GRAMD1B: variants seen among roughly 807,000 people sequenced by gnomAD.
GRAMD1B encodes protein Aster-B.
Under a neutral mutation model 99.7 loss-of-function variants are expected in GRAMD1B, and 37 were observed. That is an observed-to-expected ratio of 0.37 (90% CI 0.29 to 0.49). GRAMD1B has a LOEUF of 0.49. Ranked by LOEUF, GRAMD1B falls within the 20% of genes least tolerant of loss-of-function variation. The pLI is 0.98. For synonymous variants in GRAMD1B, 427 were observed against 387.6 expected (o/e 1.10, Z -1.19); for missense variants, 888 against 1,009.2 (o/e 0.88, Z 1.63).
At chr11:123,396,116 C>T (rs560574413) in intron 1 of GRAMD1B, among the ~76,000 whole-genome samples, 41 of 152,070 alleles carry the variant, frequency 2.7e-4, no homozygotes, top group Non-Finnish European at 5.1e-4. Flanking sequence ...CCTTGGCTTC[C>T]CTGACCCACC....
Position 123,466,309 on chromosome 11 carries a change from A to C in GRAMD1B, c.375-14507A>C, listed in dbSNP as rs1451649873. On this transcript the variant is annotated intron_variant, in intron 1 of 19. Coordinates refer to ENST00000635736, the MANE Select transcript of GRAMD1B (RefSeq NM_001387025.1). ...GGAAGGAAAAGAAAGAAAGAGAGAG[A>C]GAGAAAGAGAAAGAAAGAAAGAAAG... Among the ~76,000 whole-genome samples, 2 of 139,908 alleles carry C rather than the reference A, an allele frequency of 1.4e-5. 1 individual carries two copies. Among genetic ancestry groups the C allele is most frequent in the African/African-American group, 5.4e-5 (2 of 36,904 alleles). The allele number at this position is 139,908 out of a possible 152,430, so 91.8% of individuals were successfully genotyped here.
At chr11:123,399,200 CTGGCTTATTTCACTTAACA>C (rs1947570798) in intron 1 of GRAMD1B, among the ~76,000 whole-genome samples, 1 of 152,140 alleles carries the variant, frequency 6.6e-6, no homozygotes, top group Admixed American at 6.5e-5. Flanking sequence ...CTTTCTGTGC[CTGGCTTATTTCACTTAACA>C]TAATGTCCTG....
At chr11:123,586,899 G>A (rs917221312) in intron 4 of GRAMD1B, among the ~76,000 whole-genome samples, 15 of 152,194 alleles carry the variant, frequency 9.9e-5, no homozygotes, top group Admixed American at 6.5e-5. Flanking sequence ...AGGCTCATTC[G>A]TTACACTAGA....
intron 1 of GRAMD1B, among the ~76,000 whole-genome samples, chr11:123,449,713 G>GTTTTTTTTTTT (rs1245614513): frequency 2.3e-4 from 18 of 79,550 alleles, no homozygotes; most frequent in African/African-American, 8.0e-4. Flanking sequence ...ACCATGCCTG[G>GTTTTTTTTTTT]CTTTTTTTTT....
Position 123,591,078 on chromosome 11 carries a change from C to A in GRAMD1B, c.685-3004C>A. 4.9e-6 allele frequency: 1 copy of A among 205,688 alleles called. No individual in the cohort carries two copies. Among genetic ancestry groups the A allele is most frequent in the East Asian group, 1.0e-4 (1 of 9,576 alleles). 12.7% of individuals were successfully genotyped at this position (205,688 alleles called of 1,614,324 possible). A position where few individuals can be genotyped will look rare whatever the true frequency, so the allele number is the denominator to read the frequency against. ...CACTGACCAGGTGGAGGTGCGTGAC[C>A]ACACCACCTCTGGGCTACTCTCTGC... is the stretch of plus-strand genomic sequence containing the variant. On this transcript the variant is annotated intron_variant, in intron 4 of 19. Transcript: ENST00000635736. This position sits in a 1 kb window ranked among gnomAD's most constrained non-coding sequence, Gnocchi z 4.7.
chr11:123,373,140 A>G (rs1209107428), intron 1 of GRAMD1B, among the ~76,000 whole-genome samples: 1 of 152,198 alleles, frequency 6.6e-6, no homozygotes, highest in Admixed American at 6.5e-5. Flanking sequence ...CTCTGTCTCA[A>G]AAAAATATAT....
At chr11:123,584,239 G>T in intron 3 of GRAMD1B, 73 bp from the exon 4 acceptor site, 1 of 797,776 alleles carries the variant, frequency 1.3e-6, no homozygotes, top group Admixed American at 2.2e-5. Flanking sequence ...CTGTCTGTGT[G>T]CCCTTCCCCC....
At chr11:123,573,093 C>T (rs371802870) in intron 2 of GRAMD1B, among the ~76,000 whole-genome samples, 4 of 150,028 alleles carry the variant, frequency 2.7e-5, no homozygotes, top group Admixed American at 1.3e-4. Context: ...AGGTAGGCCC[C>T]GATGGCTGGG....
chr11:123,458,143 T>C (rs1261376690), intron 1 of GRAMD1B, among the ~76,000 whole-genome samples: 1 of 152,068 alleles, frequency 6.6e-6, no homozygotes, highest in Non-Finnish European at 1.5e-5. Context: ...ATTAGGGGAA[T>C]TGGCTTACAT....
chr11:123,477,860 G>A (rs1046896604), intron 1 of GRAMD1B, among the ~76,000 whole-genome samples: 4 of 147,184 alleles, frequency 2.7e-5, no homozygotes, highest in Admixed American at 1.4e-4. Context: ...TGCAACCTCC[G>A]CCTCCCTGGT....
At chr11:123,605,811 C>T (rs970613455) in intron 10 of GRAMD1B, among the ~76,000 whole-genome samples, 3 of 152,164 alleles carry the variant, frequency 2.0e-5, no homozygotes, top group Non-Finnish European at 4.4e-5. Context: ...CTTGATCTGA[C>T]GTCAAAGTCA....
At chr11:123,616,151 G>A (rs184537724) in intron 17 of GRAMD1B, among the ~76,000 whole-genome samples, 160 of 152,174 alleles carry the variant, frequency 1.1e-3, no homozygotes, top group African/African-American at 3.4e-3. Flanking sequence ...GTGAAACCCC[G>A]TCTCTACTAA....
chr11:123,622,430 G>A (rs1406587264), intron 19 of GRAMD1B, 76 bp from the exon 20 acceptor site: 1 of 883,866 alleles, frequency 1.1e-6, no homozygotes, highest in African/African-American at 1.7e-5. Flanking sequence ...AGGCGGGTGT[G>A]GGGAGAGGGC....
chr11:123,586,738 A>G (rs996584198), intron 4 of GRAMD1B, among the ~76,000 whole-genome samples: 15 of 152,132 alleles, frequency 9.9e-5, no homozygotes, highest in Admixed American at 7.9e-4. Context: ...GTGTTCCTTC[A>G]GGGAGCTCCA....
chr11:123,495,353 G>GT (rs1356490484), intron 2 of GRAMD1B, among the ~76,000 whole-genome samples: 2 of 152,164 alleles, frequency 1.3e-5, no homozygotes, highest in Non-Finnish European at 2.9e-5. Context: ...ATACAGGGAT[G>GT]TAATAGTCAC....
At chr11:123,380,046 G>C (rs10893033) in intron 1 of GRAMD1B, among the ~76,000 whole-genome samples, 15,075 of 152,156 alleles carry the variant, frequency 0.099, 1,798 homozygotes, top group African/African-American at 0.28. Flanking sequence ...TTTTGTTATT[G>C]AGTTATAGTT....
Position 123,549,796 on chromosome 11 carries a change from T to G in GRAMD1B, c.453-27571T>G, listed in dbSNP as rs142917131. Among the ~76,000 whole-genome samples, 254 of 152,182 alleles carry G rather than the reference T, an allele frequency of 1.7e-3. 2 individuals are homozygous for G. The highest frequency in any genetic ancestry group is 5.9e-3 in the African/African-American group (245 of 41,520). ...CCTCCCTTAGTCTGAACCCTCCTCTTTAAGAGTCAAGTGTATATTGCATCC... is the reference window on the plus strand; with the variant it reads ...CCTCCCTTAGTCTGAACCCTCCTCTGTAAGAGTCAAGTGTATATTGCATCC... On this transcript the variant is annotated intron_variant, in intron 2 of 19. Transcript: ENST00000635736.
intron 2 of GRAMD1B, among the ~76,000 whole-genome samples, chr11:123,561,815 G>A (rs530739013): frequency 6.6e-6 from 1 of 152,286 alleles, no homozygotes; most frequent in South Asian, 2.1e-4. Flanking sequence ...GAGAAGTTTG[G>A]AACCAAGATG....
intron 1 of GRAMD1B, among the ~76,000 whole-genome samples, chr11:123,396,091 C>A (rs1943467): frequency 0.45 from 68,541 of 151,758 alleles, 20,271 homozygotes; most frequent in African/African-American, 0.85. Context: ...AGTTCCTTTC[C>A]CCCTCCTTGC....
Sources: gnomAD v4.1 joint callset for allele counts (sites outside exome capture counted in the v4.1 genomes callset) on GRCh38, gnomAD v4.1.1 for gene constraint, Gnocchi (gnomAD v3.1) non-coding constraint, MANE v1.5 for transcripts, NCBI Gene and HGNC (gene_info 2026-07-23, HGNC 2026-07-21) for gene names.